TNRC6B: variants seen among roughly 807,000 people sequenced by gnomAD.
TNRC6B encodes trinucleotide repeat-containing gene 6B protein.
A neutral mutation model predicts 203.6 loss-of-function variants in TNRC6B; 52 were observed. The ratio of observed to expected loss-of-function variants is 0.26; its 90% CI spans 0.20 to 0.32. TNRC6B has a LOEUF of 0.32. TNRC6B is among the 10% of genes least tolerant of loss of function. The pLI, the probability that TNRC6B is intolerant of heterozygous loss-of-function variation, is 1.00. For missense variants in TNRC6B, 1,923 were observed against 2,286.2 expected (o/e 0.84, Z 3.24); for synonymous variants, 838 against 845.7 (o/e 0.99, Z 0.16).
Position 40,265,660 on chromosome 22 carries a change from A to G in TNRC6B, c.1430A>G (p.Asn477Ser). Residue 477 changes from asparagine to serine, a missense_variant, in exon 5 of 23, where the codon AAC becomes AGC. Physicochemically the swap from Asn to Ser is conservative, Grantham distance 46. Coordinates refer to ENST00000454349, the MANE Select transcript of TNRC6B (RefSeq NM_001162501.2). ...AAAAATGACTCTTGGGACAACAATA[A>G]CAGGTCTACGGGTGGGTCCTGGAAC... ...GSKNDSWDNNNRSTGGSWNFG... is the reference protein window; with the variant it reads ...GSKNDSWDNNSRSTGGSWNFG... 1 of 1,613,936 alleles carries G rather than the reference A, an allele frequency of 6.2e-7. No individual in the cohort carries two copies. Among genetic ancestry groups the G allele is most frequent in the South Asian group, 1.1e-5 (1 of 91,076 alleles).
chr22:40,313,433 A>G (rs553079893), intron 19 of TNRC6B, among the ~76,000 whole-genome samples: 4 of 144,596 alleles, frequency 2.8e-5, no homozygotes, highest in Admixed American at 2.1e-4. Flanking sequence ...TGGCCAAAGG[A>G]AAAAAAAAAA....
chr22:40,074,227 C>G (rs1317753341), intron 1 of TNRC6B, among the ~76,000 whole-genome samples: 1 of 138,684 alleles, frequency 7.2e-6, no homozygotes, highest in South Asian at 2.2e-4. Flanking sequence ...GTGAAGGTCG[C>G]TCTGTCTCAA....
chr22:40,170,878 T>G (rs1802548433), intron 4 of TNRC6B, among the ~76,000 whole-genome samples: 1 of 134,420 alleles, frequency 7.4e-6, no homozygotes, highest in East Asian at 2.2e-4. Flanking sequence ...TGTACATATA[T>G]GTGTGTATAC....
At chr22:40,117,477 T>C (rs1296521427) in intron 2 of TNRC6B, among the ~76,000 whole-genome samples, 2 of 152,108 alleles carry the variant, frequency 1.3e-5, no homozygotes, top group Non-Finnish European at 2.9e-5. Context: ...TTCTGAATGA[T>C]AGATTTACTC....
At chr22:40,060,794 G>A (rs1242115045) in intron 1 of TNRC6B, among the ~76,000 whole-genome samples, 1 of 152,212 alleles carries the variant, frequency 6.6e-6, no homozygotes, top group Non-Finnish European at 1.5e-5. Context: ...GTAACAATAT[G>A]TGTGAAGTGT....
At chr22:40,065,864 A>C (rs2067890316) in intron 1 of TNRC6B, among the ~76,000 whole-genome samples, 1 of 152,138 alleles carries the variant, frequency 6.6e-6, no homozygotes, top group African/African-American at 2.4e-5. Context: ...GAGATTAGGC[A>C]CAATTCCTGG....
At chr22:40,219,422 G>C (rs1484236139) in intron 1 of TNRC6B, among the ~76,000 whole-genome samples, 1 of 151,792 alleles carries the variant, frequency 6.6e-6, no homozygotes, top group Non-Finnish European at 1.5e-5. Context: ...CCAGCAGGAG[G>C]GTGGACAGGA....
chr22:40,068,657 C>T (rs2067918649), intron 1 of TNRC6B, among the ~76,000 whole-genome samples: 1 of 152,038 alleles, frequency 6.6e-6, no homozygotes, highest in South Asian at 2.1e-4. Context: ...TGTTTAGTAT[C>T]TTAGTAACTT....
chr22:40,311,401 A>G (rs1024237445), intron 17 of TNRC6B, among the ~76,000 whole-genome samples: 2 of 152,222 alleles, frequency 1.3e-5, no homozygotes, highest in Non-Finnish European at 2.9e-5. Context: ...ATAGTAATCT[A>G]TTCTCATGAT....
At chr22:40,210,951 A>G (rs1202184119) in intron 1 of TNRC6B, among the ~76,000 whole-genome samples, 1 of 152,112 alleles carries the variant, frequency 6.6e-6, no homozygotes, top group East Asian at 1.9e-4. Flanking sequence ...AGTCATGACA[A>G]ACAAATGTCT....
chr22:40,059,925 C>T (rs1055752429), intron 1 of TNRC6B, among the ~76,000 whole-genome samples: 7 of 149,924 alleles, frequency 4.7e-5, no homozygotes, highest in African/African-American at 1.5e-4. Context: ...CAGGTTCAAG[C>T]GATTCTCCTG....
At chr22:40,125,046 A>G (rs1187491908) in intron 2 of TNRC6B, among the ~76,000 whole-genome samples, 2 of 152,138 alleles carry the variant, frequency 1.3e-5, no homozygotes, top group Non-Finnish European at 2.9e-5. Flanking sequence ...ATAATTACAT[A>G]TGTAATGAAT....
chr22:40,205,478 T>C (rs1403408098), intron 1 of TNRC6B, among the ~76,000 whole-genome samples: 2 of 152,228 alleles, frequency 1.3e-5, no homozygotes, highest in African/African-American at 2.4e-5. Context: ...AATGGTTCAC[T>C]GTTGGTTTGT....
Position 40,270,259 on chromosome 22 carries a change from G to T in TNRC6B, c.2944G>T (p.Ala982Ser). 1 of 1,463,314 alleles carries T rather than the reference G, an allele frequency of 6.8e-7. No individual in the cohort carries two copies. The highest frequency in any genetic ancestry group is 1.4e-5 in the South Asian group (1 of 72,904). The allele number at this position is 1,463,314 out of a possible 1,614,324, so 90.6% of individuals were successfully genotyped here. A position where few individuals can be genotyped will look rare whatever the true frequency, so the allele number is the denominator to read the frequency against. ...AGGCTGGGGGAACACGCCCGCCAAC[G>T]CTCCCAATGCCATGAAGCCTAGTAA... ...TTGWGNTPAN[A>S]PNAMKPNSKS... The change falls in exon 6 of 23, where the codon GCT becomes TCT. Residue 982 changes from alanine to serine, a missense_variant. Transcript: ENST00000454349.
intron 1 of TNRC6B, among the ~76,000 whole-genome samples, chr22:40,195,965 G>A (rs1414112783): frequency 6.6e-6 from 1 of 152,044 alleles, no homozygotes; most frequent in Non-Finnish European, 1.5e-5. Flanking sequence ...ATTTTTAGTA[G>A]ACGGGGTTTC....
intron 12 of TNRC6B, among the ~76,000 whole-genome samples, chr22:40,296,583 C>T (rs993195195): frequency 2.0e-5 from 3 of 151,392 alleles, no homozygotes; most frequent in Non-Finnish European, 4.4e-5. Flanking sequence ...CCACCTGCCT[C>T]GGCTTCCCAA....
At chr22:40,296,132 C>T (rs947388246) in intron 12 of TNRC6B, among the ~76,000 whole-genome samples, 8 of 152,062 alleles carry the variant, frequency 5.3e-5, no homozygotes, top group Admixed American at 4.6e-4. Flanking sequence ...TTCCTAATAC[C>T]GAATTCCAGC....
chr22:40,101,848 A>C (rs1440419152), intron 1 of TNRC6B, among the ~76,000 whole-genome samples: 2 of 152,214 alleles, frequency 1.3e-5, no homozygotes, highest in Non-Finnish European at 2.9e-5. Context: ...TACAGCTGAC[A>C]ATTGACACCC....
chr22:40,278,431 A>T (rs1377455430), intron 9 of TNRC6B, among the ~76,000 whole-genome samples: 5 of 151,880 alleles, frequency 3.3e-5, no homozygotes, highest in African/African-American at 1.2e-4. Flanking sequence ...GGTGTGGCGC[A>T]CCTGTAGTCC....
Sources: gnomAD v4.1 joint callset for allele counts (sites outside exome capture counted in the v4.1 genomes callset) on GRCh38, gnomAD v4.1.1 for gene constraint, MANE v1.5 for transcripts, NCBI Gene and HGNC (gene_info 2026-07-23, HGNC 2026-07-21) for gene names.